The following SCTR variants were observed in gnomAD, a reference collection of about 807,000 sequenced individuals.
SCTR encodes the protein pancreatic secretin receptor.
In SCTR, 56 loss-of-function variants were observed where a neutral mutation model predicts 60.8. The ratio of observed to expected loss-of-function variants is 0.92; its 90% CI spans 0.74 to 1.15. The LOEUF is 1.15. Among genes scored for constraint, SCTR ranks in the 50% most tolerant of loss-of-function variants. The pLI, the probability that SCTR is intolerant of heterozygous loss-of-function variation, is 0.00. For missense variants in SCTR, 562 were observed against 550.4 expected (o/e 1.02, Z -0.21); for synonymous variants, 202 against 217.0 (o/e 0.93, Z 0.61).
chr2:119,506,770 C>T (rs771990404), intron 1 of SCTR, among the ~76,000 whole-genome samples: 40 of 152,164 alleles, frequency 2.6e-4, no homozygotes, highest in South Asian at 6.2e-4. Flanking sequence ...GCCACCATGT[C>T]TGGCCTATAT....
At chr2:119,516,165 C>CA (rs1437221012) in intron 1 of SCTR, among the ~76,000 whole-genome samples, 2 of 152,220 alleles carry the variant, frequency 1.3e-5, no homozygotes, top group East Asian at 3.9e-4. Flanking sequence ...GGAGCTTCCT[C>CA]AAAAAAATTC....
intron 2 of SCTR, chr2:119,486,062 G>C (rs1041065798): frequency 6.6e-6 from 1 of 152,196 alleles, no homozygotes; most frequent in South Asian, 2.1e-4. Context: ...CTGTGGTCAG[G>C]ATGGGGCTAG....
At chr2:119,449,143 T>G (rs536352544) in intron 9 of SCTR, among the ~76,000 whole-genome samples, 1 of 152,232 alleles carries the variant, frequency 6.6e-6, no homozygotes, top group Non-Finnish European at 1.5e-5. Flanking sequence ...TCCCAGGTAA[T>G]ACAATGCCAA....
rs556303795 is a variant in SCTR at position 119,490,461 on chromosome 2, C to T, written c.193+3967G>A. Among the ~76,000 whole-genome samples the T allele has an allele frequency of 2.0e-4, 30 of 152,348 alleles. No individual in the cohort carries two copies. The South Asian group carries it at 5.8e-3, about 29-fold the overall frequency. ...CTGGTGCAACCTCAGCCTCACCTGC[C>T]GCCTATGCGGAGGTTTATCCCCAGC... On this transcript the variant is annotated intron_variant, in intron 2 of 12. Coordinates refer to ENST00000019103, the MANE Select transcript of SCTR (RefSeq NM_002980.3).
chr2:119,490,873 G>A (rs1678092786), intron 2 of SCTR, among the ~76,000 whole-genome samples: 2 of 152,152 alleles, frequency 1.3e-5, no homozygotes, highest in Admixed American at 1.3e-4. Context: ...GAAGTGCAAG[G>A]GAATGAAAAC....
chr2:119,453,353 G>T lies in SCTR; in HGVS notation c.791-6C>A. Reference sequence around the variant, plus strand: ...AACAAAAATGGCTGGAGAACCTGAGGATTAAAAACAAAGGGAGGGGCAGAA... The same window carrying T: ...AACAAAAATGGCTGGAGAACCTGAGTATTAAAAACAAAGGGAGGGGCAGAA... On this transcript the variant is annotated splice_polypyrimidine_tract_variant and splice_region_variant and intron_variant, in intron 7 of 12. Transcript: ENST00000019103. 6.2e-7 allele frequency: 1 copy of T among 1,611,240 alleles called. No individual in the cohort carries two copies.
At chr2:119,473,233 C>G (rs1018435563) in intron 4 of SCTR, among the ~76,000 whole-genome samples, 12 of 152,162 alleles carry the variant, frequency 7.9e-5, no homozygotes, top group African/African-American at 2.7e-4. Context: ...GCCTGGGTTC[C>G]TCCTAACCAT....
chr2:119,478,830 C>T lies in SCTR; in HGVS notation c.282G>A (p.Arg94=). 1 of 1,614,214 alleles carries T rather than the reference C, an allele frequency of 6.2e-7. No individual in the cohort carries two copies. Among genetic ancestry groups the T allele is most frequent in the Non-Finnish European group, 8.5e-7 (1 of 1,180,038 alleles). Residue 94 remains arginine (R), a synonymous_variant, in exon 3 of 13, where the codon CGG becomes CGA. Coordinates refer to ENST00000019103, the MANE Select transcript of SCTR (RefSeq NM_002980.3). ...GGTTACCATTTCTGCTGGTGAGCAT[C>T]CGGAGGAATCTCGGGCATTCCACCT... is the stretch of plus-strand genomic sequence containing the variant. ...MVEVECPRFL[R]MLTSRNGSLF...
chr2:119,502,782 G>A (rs531624762), intron 1 of SCTR, among the ~76,000 whole-genome samples: 77 of 150,356 alleles, frequency 5.1e-4, no homozygotes, highest in African/African-American at 1.6e-3. Flanking sequence ...GCTTGAGTCC[G>A]GGAGTTCAAG....
At chr2:119,488,910 C>T (rs1336240858) in intron 2 of SCTR, among the ~76,000 whole-genome samples, 5 of 152,206 alleles carry the variant, frequency 3.3e-5, no homozygotes, top group Admixed American at 2.6e-4. Context: ...GCACCGACTC[C>T]GGCTGACTCT....
At chr2:119,449,145 C>T (rs553125360) in intron 9 of SCTR, among the ~76,000 whole-genome samples, 61 of 152,254 alleles carry the variant, frequency 4.0e-4, no homozygotes, top group Non-Finnish European at 7.9e-4. Flanking sequence ...CCAGGTAATA[C>T]AATGCCAAAG....
At chr2:119,523,307 C>T (rs976006117) in intron 1 of SCTR, among the ~76,000 whole-genome samples, 1 of 151,814 alleles carries the variant, frequency 6.6e-6, no homozygotes, top group Non-Finnish European at 1.5e-5. Context: ...GGGCCACTCT[C>T]TTTATCAGAG....
intron 10 of SCTR, 77 bp downstream of exon 10, chr2:119,448,612 G>A: frequency 1.2e-6 from 1 of 840,142 alleles, no homozygotes; most frequent in East Asian, 2.5e-5. Context: ...CCAATAGCTA[G>A]CACCAGTTAA....
At chr2:119,474,746 C>T (rs1677194166) in intron 3 of SCTR, among the ~76,000 whole-genome samples, 1 of 152,192 alleles carries the variant, frequency 6.6e-6, no homozygotes, top group East Asian at 1.9e-4. Flanking sequence ...ACACCAAGGC[C>T]CAGAATTGAG....
At chr2:119,479,076 C>A (rs17016307) in intron 2 of SCTR, 158 bp from the exon 3 acceptor site, 38,804 of 1,459,024 alleles carry the variant, frequency 0.027, 684 homozygotes, top group South Asian at 0.063. Context: ...AGGAACCTAT[C>A]CTGTCTAATG....
At chr2:119,511,429 G>A (rs1283471506) in intron 1 of SCTR, among the ~76,000 whole-genome samples, 4 of 151,972 alleles carry the variant, frequency 2.6e-5, no homozygotes, top group Non-Finnish European at 2.9e-5. Context: ...AATATTGTTC[G>A]CTGCTGAGTC....
At chr2:119,512,340 CCCTTCT>C (rs58262510) in intron 1 of SCTR, among the ~76,000 whole-genome samples, 12,988 of 52,870 alleles carry the variant, frequency 0.25, 1,482 homozygotes, top group South Asian at 0.31. Flanking sequence ...CTTCCCCTTC[CCCTTCT>C]CCTTCTCCTT....
chr2:119,479,273 C>G, intron 2 of SCTR: 1 of 1,023,376 alleles, frequency 9.8e-7, no homozygotes, highest in Non-Finnish European at 1.2e-6. Flanking sequence ...CATTAAACAA[C>G]TAAGCAGCAA....
At chr2:119,504,053 T>C (rs548956909) in intron 1 of SCTR, among the ~76,000 whole-genome samples, 53 of 152,224 alleles carry the variant, frequency 3.5e-4, no homozygotes, top group African/African-American at 7.2e-4. Flanking sequence ...AGGATATCAA[T>C]GGAAGAATAG....
Sources: gnomAD v4.1 joint callset for allele counts (sites outside exome capture counted in the v4.1 genomes callset) on GRCh38, gnomAD v4.1.1 for gene constraint, MANE v1.5 for transcripts, NCBI Gene and HGNC (gene_info 2026-07-23, HGNC 2026-07-21) for gene names.